Variants in PRDX6 observed in about 807,000 individuals in gnomAD.
The protein encoded by PRDX6 is peroxiredoxin-6.
In PRDX6, 13 loss-of-function variants were observed where a neutral mutation model predicts 20.0. The ratio of observed to expected loss-of-function variants is 0.65; its 90% confidence interval spans 0.42 to 1.03. The LOEUF (loss-of-function observed/expected upper bound fraction) is 1.03, where lower values mean the gene tolerates loss of function less well. Among genes scored for constraint, PRDX6 ranks in the 50% least tolerant of loss-of-function variants. The probability of loss-of-function intolerance (pLI) is 0.00; values close to 1 mark genes in which losing one functional copy is unlikely to be tolerated. For missense variants in PRDX6, 203 were observed against 276.9 expected (o/e 0.73, Z 1.89); for synonymous variants, 85 against 100.8 (o/e 0.84, Z 0.94).
At chr1:173,477,585 G>C in intron 1 of PRDX6, 93 bp downstream of exon 1, 1 of 1,111,596 alleles carries the variant, frequency 9.0e-7, no homozygotes, top group East Asian at 2.9e-5. Flanking sequence ...CCTCCCGGCC[G>C]CTCAGCCCCC....
At chr1:173,479,910 T>G (rs1658773168) in intron 1 of PRDX6, among the ~76,000 whole-genome samples, 1 of 152,174 alleles carries the variant, frequency 6.6e-6, no homozygotes. Context: ...GAAAAAGAAC[T>G]CCTAACTTTT....
At chr1:173,477,593 C>A (rs1312432928) in intron 1 of PRDX6, 101 bp downstream of exon 1, 5 of 971,230 alleles carry the variant, frequency 5.1e-6, no homozygotes, top group Non-Finnish European at 6.1e-6. Context: ...CCGCTCAGCC[C>A]CCTGCGCCGC....
intron 2 of PRDX6, among the ~76,000 whole-genome samples, chr1:173,482,706 C>T (rs1046328368): frequency 6.6e-6 from 1 of 152,144 alleles, no homozygotes; most frequent in Non-Finnish European, 1.5e-5. Context: ...GGGTCTGTGG[C>T]TGCATCCTAT....
At chr1:173,478,176 A>G (rs1255949156) in intron 1 of PRDX6, among the ~76,000 whole-genome samples, 1 of 152,256 alleles carries the variant, frequency 6.6e-6, no homozygotes, top group East Asian at 1.9e-4. Flanking sequence ...CCAATGGCCA[A>G]GATATGATTT....
intron 3 of PRDX6, among the ~76,000 whole-genome samples, 181 bp downstream of exon 3, chr1:173,485,688 G>T (rs1658883941): frequency 6.6e-6 from 1 of 152,072 alleles, no homozygotes; most frequent in African/African-American, 2.4e-5. Context: ...TTTTCCAACT[G>T]CTTTATTCAT....
chr1:173,480,254 CG>C (rs950594681), intron 1 of PRDX6, among the ~76,000 whole-genome samples: 111 of 152,236 alleles, frequency 7.3e-4, no homozygotes, highest in African/African-American at 2.5e-3. Flanking sequence ...GAGTGGCAGC[CG>C]TAAGTAGGAA....
intron 1 of PRDX6, among the ~76,000 whole-genome samples, chr1:173,478,356 T>G (rs1658741374): frequency 6.6e-6 from 1 of 152,202 alleles, no homozygotes; most frequent in African/African-American, 2.4e-5. Flanking sequence ...TCCCCAACTT[T>G]GAGACTCTCT....
At position 173,486,313 on chromosome 1, in the gene PRDX6, C is replaced by T; in HGVS notation, c.458C>T (p.Thr153Ile). ...LKLSILYPATTGRNFDEILRV... is the reference protein window; with the variant it reads ...LKLSILYPATIGRNFDEILRV... ...CTGTCTATCCTCTACCCAGCTACCA[C>T]TGGCAGGAACTTTGATGAGATTCTC... is the stretch of plus-strand genomic sequence containing the variant. The change falls in exon 4 of 5, where the codon ACT (threonine) becomes ATT (isoleucine). Residue 153 changes from threonine (T) to isoleucine (I), a missense_variant. Coordinates refer to ENST00000340385, the MANE Select transcript of PRDX6 (RefSeq NM_004905.3). 6.2e-7 allele frequency: 1 copy of T among 1,612,812 alleles called. No homozygotes were observed. The highest frequency in any genetic ancestry group is 8.5e-7 in the Non-Finnish European group (1 of 1,179,458).
chr1:173,488,758 C>G lies in PRDX6; in HGVS notation c.*895C>G, dbSNP rs1043105. The G allele has an allele frequency of 3.9e-5, 6 of 152,140 alleles. No individual in the cohort carries two copies. Among genetic ancestry groups the G allele is most frequent in the Admixed American group, 3.9e-4 (6 of 15,276 alleles). The allele number at this position is 152,140 out of a possible 1,614,324, so 9.4% of individuals were successfully genotyped here. A position where few individuals can be genotyped will look rare whatever the true frequency, so the allele number is the denominator to read the frequency against. On this transcript the variant is annotated 3_prime_UTR_variant, in exon 5 of 5. Coordinates refer to ENST00000340385, the MANE Select transcript of PRDX6 (RefSeq NM_004905.3). Reference sequence around the variant, plus strand: ...TCTTCTTGCAGTGGGTTGCTATTTTCTAGATTTTACTTTTTAGGGAACAAA... The same window carrying G: ...TCTTCTTGCAGTGGGTTGCTATTTTGTAGATTTTACTTTTTAGGGAACAAA...
Position 173,488,351 on chromosome 1 carries a change from T to A in PRDX6, c.*488T>A, listed in dbSNP as rs1490246001. On this transcript the variant is annotated 3_prime_UTR_variant, in exon 5 of 5. Coordinates refer to ENST00000340385, the MANE Select transcript of PRDX6 (RefSeq NM_004905.3). ...TAGAATAACCCAGATGCGCTTTAAT[T>A]TTTTTTAATATGTTTTGATCACAGA... 6.5e-6 allele frequency: 1 copy of A among 152,822 alleles called. No individual in the cohort carries two copies. The highest frequency in any genetic ancestry group is 1.5e-5 in the Non-Finnish European group (1 of 68,526). The allele number at this position is 152,822 out of a possible 1,614,324, so 9.5% of individuals were successfully genotyped here.
chr1:173,478,293 G>A (rs1658740282), intron 1 of PRDX6, among the ~76,000 whole-genome samples: 1 of 152,164 alleles, frequency 6.6e-6, no homozygotes. Flanking sequence ...TGTTCCGCTG[G>A]AGTGGCCTAT....
chr1:173,486,131 C>G (rs1557997987), intron 3 of PRDX6, 124 bp from the exon 4 acceptor site: 1 of 791,634 alleles, frequency 1.3e-6, no homozygotes, highest in East Asian at 2.9e-5. Context: ...GTGTATCCTT[C>G]TAGATGCTTT....
rs1557998582 is a variant in PRDX6 at position 173,488,119 on chromosome 1, A to G, written c.*256A>G. ...AAATATGTTCTGTATTTAAAACTCA[A>G]ATCTTGTTGGATCTCTGCAGGGCTT... is the stretch of plus-strand genomic sequence containing the variant. On this transcript the variant is annotated 3_prime_UTR_variant, in exon 5 of 5. Coordinates refer to ENST00000340385, the MANE Select transcript of PRDX6 (RefSeq NM_004905.3). 2.5e-6 allele frequency: 1 copy of G among 405,032 alleles called. No individual in the cohort carries two copies. The highest frequency in any genetic ancestry group is 4.5e-6 in the Non-Finnish European group (1 of 224,622). The allele number at this position is 405,032 out of a possible 1,614,324, so 25.1% of individuals were successfully genotyped here.
At chr1:173,483,573 T>A (rs1658841117) in intron 2 of PRDX6, among the ~76,000 whole-genome samples, 1 of 152,044 alleles carries the variant, frequency 6.6e-6, no homozygotes, top group South Asian at 2.1e-4. Context: ...AAAAAGAATT[T>A]GTTGTTATCC....
intron 1 of PRDX6, chr1:173,481,062 G>GCAA (rs1658792598): frequency 2.6e-6 from 1 of 389,474 alleles, no homozygotes; most frequent in South Asian, 3.7e-5. Context: ...ATTAAAGGAG[G>GCAA]CAACACCTTA....
chr1:173,483,067 TGTA>T (rs905112483), intron 2 of PRDX6, among the ~76,000 whole-genome samples: 47 of 152,298 alleles, frequency 3.1e-4, no homozygotes, highest in African/African-American at 1.1e-3. Flanking sequence ...TGTTCATGGG[TGTA>T]ATCTAATGCC....
chr1:173,478,021 A>C (rs1557995624), intron 1 of PRDX6, among the ~76,000 whole-genome samples: 1 of 152,208 alleles, frequency 6.6e-6, no homozygotes, highest in Non-Finnish European at 1.5e-5. Context: ...GTCGGAGGAC[A>C]CAGCTGCTGG....
chr1:173,486,281 G>C lies in PRDX6; in HGVS notation c.426G>C (p.Lys142Asn). ...TGTTTGTTTTTGGTCCTGATAAGAAGCTGAAGCTGTCTATCCTCTACCCAG... is the reference window on the plus strand; with the variant it reads ...TGTTTGTTTTTGGTCCTGATAAGAACCTGAAGCTGTCTATCCTCTACCCAG... ...RVVFVFGPDK[K>N]LKLSILYPAT... The change falls in exon 4 of 5, where the codon AAG becomes AAC. Residue 142 changes from lysine (K) to asparagine (N), a missense_variant. By Grantham distance (94) the Lys-to-Asn change is moderately conservative. Coordinates refer to ENST00000340385, the MANE Select transcript of PRDX6 (RefSeq NM_004905.3). 2 of 1,608,568 alleles carry C rather than the reference G, an allele frequency of 1.2e-6. No homozygotes were observed. Among genetic ancestry groups the C allele is most frequent in the Non-Finnish European group, 1.7e-6 (2 of 1,177,902 alleles).
At chr1:173,486,165 T>A (rs1411094561) in intron 3 of PRDX6, 90 bp from the exon 4 acceptor site, 2 of 1,192,854 alleles carry the variant, frequency 1.7e-6, no homozygotes, top group African/African-American at 3.1e-5. Context: ...TTTTATACCC[T>A]TGAACATTAT....
Sources: allele counts gnomAD v4.1 joint callset (sites outside exome capture counted in the v4.1 genomes callset), GRCh38; gene constraint gnomAD v4.1.1; transcripts MANE v1.5; gene names NCBI Gene and HGNC (gene_info 2026-07-23, HGNC 2026-07-21).